Variants in SORCS3 observed in about 807,000 individuals in gnomAD.
SORCS3 encodes the protein sortilin related VPS10 domain containing receptor 3, also known as VPS10 domain-containing receptor SorCS3.
A neutral mutation model predicts 146.3 loss-of-function variants in SORCS3; 57 were observed. The ratio of observed to expected loss-of-function variants is 0.39; its 90% CI spans 0.31 to 0.49. SORCS3 has a LOEUF of 0.49. Among genes scored for constraint, SORCS3 ranks in the 20% least tolerant of loss-of-function variants. The pLI, the probability that SORCS3 is intolerant of heterozygous loss-of-function variation, is 0.92. For missense variants in SORCS3, 1,341 were observed against 1,575.5 expected (o/e 0.85, Z 2.52); for synonymous variants, 653 against 618.5 (o/e 1.06, Z -0.83).
At position 105,240,958 on chromosome 10, in the gene SORCS3, A is replaced by ATC. The variant is rs1554889296; in HGVS notation, c.2869-4583_2869-4582insCT. ...CAAACACTGAAAAAAATATATATAT[A>ATC]TATATCTATATCTATATCTATATAT... On this transcript the variant is annotated intron_variant, in intron 20 of 26. Transcript: ENST00000369701. 3.5e-3 allele frequency among the ~76,000 whole-genome samples: 527 copies of ATC among 149,218 alleles called. 10 individuals carry two copies. The South Asian group carries it at 0.048, about 14-fold the overall frequency.
intron 5 of SORCS3, among the ~76,000 whole-genome samples, chr10:105,061,685 T>C (rs1589614328): frequency 6.8e-6 from 1 of 146,392 alleles, no homozygotes. Flanking sequence ...GTTCAGGAGG[T>C]TTAGGAGCTC....
intron 2 of SORCS3, among the ~76,000 whole-genome samples, chr10:104,849,936 A>C (rs1564697836): frequency 6.6e-6 from 1 of 152,152 alleles, no homozygotes. Flanking sequence ...TGTTTGGCAA[A>C]AGGTGAAAGT....
chr10:105,203,992 A>C (rs2056587995), intron 16 of SORCS3, among the ~76,000 whole-genome samples: 1 of 152,122 alleles, frequency 6.6e-6, no homozygotes, highest in South Asian at 2.1e-4. Flanking sequence ...CATTTACTTC[A>C]GTACTGGTGG....
intron 7 of SORCS3, among the ~76,000 whole-genome samples, chr10:105,128,650 A>G (rs2055993265): frequency 6.6e-6 from 1 of 152,172 alleles, no homozygotes; most frequent in African/African-American, 2.4e-5. Flanking sequence ...TTCTCATATT[A>G]TGTATTGCCT....
chr10:104,972,573 C>A (rs2054866945), intron 3 of SORCS3, among the ~76,000 whole-genome samples: 1 of 150,580 alleles, frequency 6.6e-6, no homozygotes, highest in Admixed American at 6.6e-5. Flanking sequence ...AACTAAAGAA[C>A]AATATAGGAA....
chr10:105,141,620 T>A (rs10884105), intron 8 of SORCS3, among the ~76,000 whole-genome samples: 13,113 of 152,126 alleles, frequency 0.086, 701 homozygotes, highest in Admixed American at 0.16. Context: ...AGCTTTGTAG[T>A]GTTTGGCAGA....
At chr10:105,191,683 G>A (rs2056517848) in intron 14 of SORCS3, among the ~76,000 whole-genome samples, 1 of 151,940 alleles carries the variant, frequency 6.6e-6, no homozygotes, top group African/African-American at 2.4e-5. Context: ...TTGATTTCGG[G>A]AAGAAACTGT....
chr10:104,705,821 A>G lies in SORCS3; in HGVS notation c.627+63867A>G, dbSNP rs560269672. On this transcript the variant is annotated intron_variant, in intron 1 of 26. Transcript: ENST00000369701. ...CAGTGCCTGTTCGAGTGGATATTCA[A>G]TAATTTGTTAAATAAATGTGAGAAT... Among the ~76,000 whole-genome samples the G allele has an allele frequency of 4.6e-5, 7 of 152,326 alleles. No individual in the cohort carries two copies. The South Asian group carries it at 1.4e-3, about 32-fold the overall frequency.
At chr10:104,835,384 G>A (rs539356226) in intron 1 of SORCS3, among the ~76,000 whole-genome samples, 9 of 152,172 alleles carry the variant, frequency 5.9e-5, no homozygotes, top group Non-Finnish European at 1.0e-4. Context: ...GAATTATCAG[G>A]TCTAGGCAGG....
intron 20 of SORCS3, among the ~76,000 whole-genome samples, chr10:105,244,180 A>C (rs754788343): frequency 1.1e-4 from 16 of 152,136 alleles, no homozygotes; most frequent in Non-Finnish European, 1.9e-4. Flanking sequence ...TAAGATGCCC[A>C]GTGAATAATG....
chr10:105,102,780 CTTTTTTTTTTTTT>C (rs1183026265), intron 6 of SORCS3, among the ~76,000 whole-genome samples: 2 of 92,522 alleles, frequency 2.2e-5, no homozygotes, highest in South Asian at 8.0e-4. Context: ...ACCTCTCAAC[CTTTTTTTTTTTTT>C]TTTTTTTTTT....
At chr10:104,821,820 T>A (rs2017876113) in intron 1 of SORCS3, among the ~76,000 whole-genome samples, 2 of 152,222 alleles carry the variant, frequency 1.3e-5, no homozygotes, top group Admixed American at 1.3e-4. Flanking sequence ...ATCAGTTATG[T>A]GCTTACTTGC....
chr10:104,864,414 C>T (rs972923243), intron 2 of SORCS3, among the ~76,000 whole-genome samples: 1 of 152,176 alleles, frequency 6.6e-6, no homozygotes, highest in Non-Finnish European at 1.5e-5. Flanking sequence ...TAGGAATCCT[C>T]AGTGACCTTT....
rs549682484 is a variant in SORCS3 at position 105,252,865 on chromosome 10, C to T, written c.3196C>T (p.Leu1066=). 3.1e-6 allele frequency: 5 copies of T among 1,613,818 alleles called. No homozygotes were observed. The highest frequency in any genetic ancestry group is 4.2e-6 in the Non-Finnish European group (5 of 1,179,940). Residue 1066 remains leucine, a synonymous_variant, in exon 23 of 27, where the codon CTG becomes TTG. Transcript: ENST00000369701. ...GCTTTTCATTCTTCCACCCAAGAAC[C>T]TGACAGAGAGGAGGAAAGGCAATGA... ...AELFILPPKN[L]TERRKGNEGD...
At chr10:105,143,864 C>A (rs560397032) in intron 8 of SORCS3, among the ~76,000 whole-genome samples, 1 of 152,260 alleles carries the variant, frequency 6.6e-6, no homozygotes, top group South Asian at 2.1e-4. Context: ...CTGGGAACCT[C>A]ATGGAGAACC....
intron 5 of SORCS3, among the ~76,000 whole-genome samples, chr10:105,045,959 G>A (rs749626354): frequency 1.3e-5 from 2 of 152,094 alleles, no homozygotes; most frequent in African/African-American, 2.4e-5. Context: ...GAATGGGTCT[G>A]ATTTATTGCC....
chr10:104,662,857 T>C (rs1162277161), intron 1 of SORCS3, among the ~76,000 whole-genome samples: 1 of 152,200 alleles, frequency 6.6e-6, no homozygotes, highest in Non-Finnish European at 1.5e-5. Context: ...GTTATTTTTA[T>C]AGGCACTGGG....
At chr10:104,848,857 G>T (rs2018237644) in intron 2 of SORCS3, among the ~76,000 whole-genome samples, 1 of 152,148 alleles carries the variant, frequency 6.6e-6, no homozygotes, top group Admixed American at 6.5e-5. Context: ...TTGGTTGGAA[G>T]ATAAGATGAA....
intron 2 of SORCS3, among the ~76,000 whole-genome samples, chr10:104,911,723 G>A (rs1251477604): frequency 6.6e-6 from 1 of 152,170 alleles, no homozygotes; most frequent in Non-Finnish European, 1.5e-5. Flanking sequence ...GCTTGACAAA[G>A]ATGCTTTCCT....
Sources: gnomAD v4.1 joint callset for allele counts (sites outside exome capture counted in the v4.1 genomes callset) on GRCh38, gnomAD v4.1.1 for gene constraint, MANE v1.5 for transcripts, NCBI Gene and HGNC (gene_info 2026-07-23, HGNC 2026-07-21) for gene names.